The following SYT1 variants were observed in gnomAD, a reference collection of about 807,000 sequenced individuals.
The protein encoded by SYT1 is synaptotagmin-1.
In SYT1, 8 loss-of-function variants were observed where a neutral mutation model predicts 44.8. That is an observed-to-expected ratio of 0.18 (90% CI 0.10 to 0.32). The LOEUF is 0.32. Ranked by LOEUF, SYT1 falls within the 10% of genes least tolerant of loss-of-function variation. The pLI, the probability that SYT1 is intolerant of heterozygous loss-of-function variation, is 1.00. For synonymous variants in SYT1, 154 were observed against 188.8 expected, an observed-to-expected ratio of 0.82 and a Z score of 1.51; for missense variants, 286 against 509.3, an observed-to-expected ratio of 0.56 and a Z score of 4.22.
chr12:79,067,794 C>G lies in SYT1; in HGVS notation c.-18+20432C>G, dbSNP rs557021120. ...AAGATTCACTTAAATTTCCCCACTTCTTTATCCTGGCATACATCCTCCCCT... is the reference window on the plus strand; with the variant it reads ...AAGATTCACTTAAATTTCCCCACTTGTTTATCCTGGCATACATCCTCCCCT... On this transcript the variant is annotated intron_variant, in intron 3 of 10. Transcript: ENST00000261205. Among the ~76,000 whole-genome samples, 6 of 152,280 alleles carry G rather than the reference C, an allele frequency of 3.9e-5. No individual in the cohort carries two copies. The South Asian group carries it at 1.2e-3, about 32-fold the overall frequency.
intron 3 of SYT1, among the ~76,000 whole-genome samples, chr12:79,051,463 A>G (rs1874486577): frequency 1.3e-5 from 2 of 150,992 alleles, no homozygotes; most frequent in East Asian, 3.9e-4. Flanking sequence ...ATCCATCTCC[A>G]CCTAATATTT....
At chr12:79,408,556 C>T (rs1868315909) in intron 9 of SYT1, among the ~76,000 whole-genome samples, 1 of 152,088 alleles carries the variant, frequency 6.6e-6, no homozygotes, top group Admixed American at 6.6e-5. Flanking sequence ...AAGTCTTCCT[C>T]ACAGGCTTTA....
chr12:78,961,721 T>G (rs1003107840), intron 1 of SYT1, among the ~76,000 whole-genome samples: 1 of 152,152 alleles, frequency 6.6e-6, no homozygotes, highest in African/African-American at 2.4e-5. Context: ...GGGCTCTTAG[T>G]ACAGATAAAA....
chr12:78,958,437 G>C (rs1158402714), intron 1 of SYT1, among the ~76,000 whole-genome samples: 1 of 151,968 alleles, frequency 6.6e-6, no homozygotes, highest in African/African-American at 2.4e-5. Flanking sequence ...GCTTACACCA[G>C]AAATCCCAGC....
rs186328886 is a variant in SYT1 at position 79,083,112 on chromosome 12, G to A, written c.-18+35750G>A. On this transcript the variant is annotated intron_variant, in intron 3 of 10. Transcript: ENST00000261205. ...AAATAAATAATCCAGAAGAAAAATA[G>A]GTAAAAGATAACATCAGATATTTCA... Among the ~76,000 whole-genome samples, 155 of 151,518 alleles carry A rather than the reference G, an allele frequency of 1.0e-3. 1 individual carries two copies. Among genetic ancestry groups the A allele is most frequent in the Middle Eastern group, 6.8e-3 (2 of 294 alleles).
At chr12:79,146,951 C>T (rs1869955644) in intron 3 of SYT1, among the ~76,000 whole-genome samples, 2 of 152,156 alleles carry the variant, frequency 1.3e-5, no homozygotes, top group African/African-American at 4.8e-5. Flanking sequence ...GGCCATTCTC[C>T]TGCCTCAGCC....
chr12:79,127,253 T>C (rs1217073789), intron 3 of SYT1, among the ~76,000 whole-genome samples: 1 of 152,266 alleles, frequency 6.6e-6, no homozygotes, highest in Non-Finnish European at 1.5e-5. Flanking sequence ...TGCAATTTTC[T>C]CCATCTTCTA....
rs1361489997 is a variant in SYT1 at position 79,179,178 on chromosome 12, A to C, written c.-17-38325A>C. Among the ~76,000 whole-genome samples the C allele has an allele frequency of 1.8e-3, 79 of 43,798 alleles. 8 individuals carry two copies. Among genetic ancestry groups the C allele is most frequent in the African/African-American group, 5.8e-3 (71 of 12,176 alleles). The allele number at this position is 43,798 out of a possible 152,430, so 28.7% of individuals were successfully genotyped here. A position where few individuals can be genotyped will look rare whatever the true frequency, so the allele number is the denominator to read the frequency against. ...TAGATATATAGATATAGATATAGAT[A>C]TATAGATATAGATATAGATATATAG... On this transcript the variant is annotated intron_variant, in intron 3 of 10. Transcript: ENST00000261205.
At chr12:79,064,969 AAAG>A (rs1478470764) in intron 3 of SYT1, among the ~76,000 whole-genome samples, 1 of 149,132 alleles carries the variant, frequency 6.7e-6, no homozygotes, top group African/African-American at 2.5e-5. Flanking sequence ...AGAAAGAAAG[AAAG>A]AAAGAAAGAA....
At chr12:79,290,838 CAA>C (rs1879545855) in intron 5 of SYT1, among the ~76,000 whole-genome samples, 1 of 152,042 alleles carries the variant, frequency 6.6e-6, no homozygotes, top group South Asian at 2.1e-4. Flanking sequence ...GACAAATTAG[CAA>C]AGGATATGTA....
chr12:79,120,338 G>A (rs915987363), intron 3 of SYT1, among the ~76,000 whole-genome samples: 2 of 151,762 alleles, frequency 1.3e-5, no homozygotes, highest in African/African-American at 4.8e-5. Context: ...CTACCTATTG[G>A]GCACTAGGCT....
intron 9 of SYT1, among the ~76,000 whole-genome samples, chr12:79,415,907 A>C (rs1868710305): frequency 6.6e-6 from 1 of 152,162 alleles, no homozygotes; most frequent in Admixed American, 6.6e-5. Flanking sequence ...TAAGTTTCAA[A>C]GTCTACCTAC....
chr12:79,197,312 G>A (rs1873519019), intron 3 of SYT1, among the ~76,000 whole-genome samples: 1 of 152,118 alleles, frequency 6.6e-6, no homozygotes, highest in Non-Finnish European at 1.5e-5. Flanking sequence ...TAATTGATGA[G>A]ATCTTCAAGT....
chr12:79,165,590 C>T (rs1413389769), intron 3 of SYT1, among the ~76,000 whole-genome samples: 1 of 151,964 alleles, frequency 6.6e-6, no homozygotes, highest in Non-Finnish European at 1.5e-5. Context: ...TGGAAGATGG[C>T]AATTTAGAAC....
intron 3 of SYT1, among the ~76,000 whole-genome samples, chr12:79,210,104 T>C (rs570459017): frequency 6.6e-6 from 1 of 152,178 alleles, no homozygotes; most frequent in Non-Finnish European, 1.5e-5. Context: ...GAAATCTATA[T>C]TAATTTGTAG....
intron 3 of SYT1, among the ~76,000 whole-genome samples, chr12:79,100,398 T>G (rs2138046952): frequency 6.6e-6 from 1 of 152,142 alleles, no homozygotes; most frequent in Middle Eastern, 3.4e-3. Context: ...TGCTAAGAAG[T>G]CATAATAATA....
intron 8 of SYT1, among the ~76,000 whole-genome samples, chr12:79,329,365 A>G (rs1469608684): frequency 6.6e-6 from 1 of 152,222 alleles, no homozygotes; most frequent in African/African-American, 2.4e-5. Context: ...CACTTACATG[A>G]CATTATCTTT....
chr12:79,129,401 G>A (rs12316236), intron 3 of SYT1, among the ~76,000 whole-genome samples: 22,520 of 152,072 alleles, frequency 0.15, 1,736 homozygotes, highest in South Asian at 0.19. Flanking sequence ...AAGATCAAAT[G>A]CTCAATAGAC....
intron 10 of SYT1, among the ~76,000 whole-genome samples, chr12:79,444,935 G>T (rs1414559282): frequency 6.6e-6 from 1 of 152,088 alleles, no homozygotes; most frequent in Non-Finnish European, 1.5e-5. Context: ...AGAATCTAAA[G>T]ATAATATCCA....
Sources: allele counts gnomAD v4.1 joint callset (sites outside exome capture counted in the v4.1 genomes callset), GRCh38; gene constraint gnomAD v4.1.1; transcripts MANE v1.5; gene names NCBI Gene and HGNC (gene_info 2026-07-23, HGNC 2026-07-21).